The following SYT2 variants were observed in gnomAD, a reference collection of about 807,000 sequenced individuals.
SYT2 encodes the protein synaptotagmin-2.
A neutral mutation model predicts 39.9 loss-of-function variants in SYT2; 15 were observed. The observed-to-expected ratio is 0.38, with a 90% CI of 0.25 to 0.58. The LOEUF is 0.58. Ranked by LOEUF, SYT2 falls within the 20% of genes least tolerant of loss-of-function variation. The pLI, the probability that SYT2 is intolerant of heterozygous loss-of-function variation, is 0.70. For missense variants in SYT2, 389 were observed against 530.3 expected (o/e 0.73, Z 2.62); for synonymous variants, 181 against 204.5 (o/e 0.89, Z 0.98).
rs1008664178 is a variant in SYT2 at position 202,614,849 on chromosome 1, T to C, written c.-17-9060A>G. Among the ~76,000 whole-genome samples, 1 of 152,132 alleles carries C rather than the reference T, an allele frequency of 6.6e-6. No individual in the cohort carries two copies. Among genetic ancestry groups the C allele is most frequent in the African/African-American group, 2.4e-5 (1 of 41,426 alleles). On this transcript the variant is annotated intron_variant, in intron 1 of 8. Coordinates refer to ENST00000367268, the MANE Select transcript of SYT2 (RefSeq NM_177402.5). The surrounding 1 kb of genome is among the most constrained non-coding windows in gnomAD (Gnocchi z 4.0). ...GATGGATCACGGTTCAGGGTGAGGC[T>C]GGCAGGCCGGGCAGGGCAGGATCAG...
chr1:202,601,980 G>T lies in SYT2; in HGVS notation c.711C>A (p.Ile237=), dbSNP rs1051781856. Residue 237 remains isoleucine, a synonymous_variant, in exon 6 of 9, where the codon ATC becomes ATA. Coordinates refer to ENST00000367268, the MANE Select transcript of SYT2 (RefSeq NM_177402.5). The surrounding 1 kb of genome is among the most constrained non-coding windows in gnomAD (Gnocchi z 4.0). ...TCATAGGCACCTTTACCTCTCCAAT[G>T]ATGTCATGTTTGGAGAAGCGGTCAA... The part of the protein sequence containing the change: ...YDFDRFSKHD[I]IGEVKVPMNT... 11 of 1,614,060 alleles carry T rather than the reference G, an allele frequency of 6.8e-6. No individual in the cohort carries two copies. Among genetic ancestry groups the T allele is most frequent in the East Asian group, 2.2e-5 (1 of 44,890 alleles).
intron 1 of SYT2, among the ~76,000 whole-genome samples, chr1:202,625,670 C>A (rs552264881): frequency 3.9e-5 from 6 of 152,148 alleles, no homozygotes; most frequent in Non-Finnish European, 7.4e-5. Flanking sequence ...CAGGCCCACG[C>A]CCTCCGCACA....
chr1:202,625,161 CTGTG>C (rs1344629057), intron 1 of SYT2, among the ~76,000 whole-genome samples: 2 of 1,968 alleles, frequency 1.0e-3, no homozygotes, highest in East Asian at 0.024. Flanking sequence ...TGTGGTGTGT[CTGTG>C]TGGTGTGTGT....
intron 1 of SYT2, among the ~76,000 whole-genome samples, chr1:202,638,399 G>C (rs1307988149): frequency 6.6e-6 from 1 of 152,240 alleles, no homozygotes; most frequent in African/African-American, 2.4e-5. Context: ...CTTTCCCTAG[G>C]CTTGGGGGCC....
intron 1 of SYT2, among the ~76,000 whole-genome samples, chr1:202,631,664 C>T (rs1691597326): frequency 6.6e-6 from 1 of 152,156 alleles, no homozygotes; most frequent in Admixed American, 6.5e-5. Flanking sequence ...CTGCGGGGGT[C>T]TCCTCTCTTC....
At chr1:202,638,654 G>A (rs1192603063) in intron 1 of SYT2, among the ~76,000 whole-genome samples, 1 of 152,160 alleles carries the variant, frequency 6.6e-6, no homozygotes, top group East Asian at 1.9e-4. Flanking sequence ...GTTATTTAAT[G>A]CGGAAAATCC....
At chr1:202,638,964 A>G (rs1367475294) in intron 1 of SYT2, among the ~76,000 whole-genome samples, 1 of 152,240 alleles carries the variant, frequency 6.6e-6, no homozygotes, top group Admixed American at 6.5e-5. Context: ...GCTGAGAAAG[A>G]AAAGCGTGGT....
intron 1 of SYT2, among the ~76,000 whole-genome samples, chr1:202,645,898 C>G (rs1313708300): frequency 6.6e-6 from 1 of 152,168 alleles, no homozygotes; most frequent in African/African-American, 2.4e-5. Context: ...AACCCTTCCC[C>G]TGATAGGGAT....
intron 1 of SYT2, among the ~76,000 whole-genome samples, chr1:202,651,651 C>T (rs1692196161): frequency 6.6e-6 from 1 of 152,204 alleles, no homozygotes; most frequent in Non-Finnish European, 1.5e-5. Context: ...GTTATTACCT[C>T]ACAGCTAAGA....
At chr1:202,704,638 C>A (rs965964409) in intron 1 of SYT2, among the ~76,000 whole-genome samples, 6 of 109,970 alleles carry the variant, frequency 5.5e-5, no homozygotes, top group African/African-American at 1.8e-4. Flanking sequence ...GGCCCTCCTC[C>A]CCAGCCCACC....
At chr1:202,657,786 T>C (rs1692305128) in intron 1 of SYT2, among the ~76,000 whole-genome samples, 1 of 152,032 alleles carries the variant, frequency 6.6e-6, no homozygotes, top group Non-Finnish European at 1.5e-5. Context: ...GGTAGAGGGC[T>C]CCTGGAGGGT....
intron 1 of SYT2, among the ~76,000 whole-genome samples, chr1:202,663,758 G>A (rs762173510): frequency 1.7e-4 from 26 of 152,134 alleles, no homozygotes; most frequent in Non-Finnish European, 3.2e-4. Flanking sequence ...TGAGCTGCAG[G>A]GCTGTGGCAG....
intron 1 of SYT2, among the ~76,000 whole-genome samples, chr1:202,670,355 C>A (rs905735632): frequency 6.6e-6 from 1 of 152,106 alleles, no homozygotes; most frequent in Non-Finnish European, 1.5e-5. Context: ...GGCACTCAAC[C>A]CTTTAACCCC....
rs564567229 is a variant in SYT2 at position 202,627,632 on chromosome 1, G to T, written c.-17-21843C>A. On this transcript the variant is annotated intron_variant, in intron 1 of 8. Transcript: ENST00000367268. ...TCTGGAGAGTAATGCGCAAAGGAAG[G>T]GCATGAAGACCACTTCCCTGGTTAA... 2.5e-4 allele frequency: 244 copies of T among 985,212 alleles called. 3 individuals carry two copies. In the South Asian group the frequency reaches 0.01, roughly 41 times the overall value. 61.0% of individuals were successfully genotyped at this position (985,212 alleles called of 1,614,324 possible). A position where few individuals can be genotyped will look rare whatever the true frequency, so the allele number is the denominator to read the frequency against.
At chr1:202,705,944 C>T (rs1654238947) in intron 1 of SYT2, among the ~76,000 whole-genome samples, 1 of 152,094 alleles carries the variant, frequency 6.6e-6, no homozygotes, top group South Asian at 2.1e-4. Context: ...CCTTCTACCT[C>T]AGCCTCCCAA....
chr1:202,686,060 G>T, intron 1 of SYT2, among the ~76,000 whole-genome samples: 1 of 152,276 alleles, frequency 6.6e-6, no homozygotes, highest in African/African-American at 2.4e-5. Context: ...AATATGGTTT[G>T]GATATCTGTC....
chr1:202,603,145 CAAGTT>C (rs755838169), intron 3 of SYT2, 27 bp from the exon 4 acceptor site: 1 of 1,613,640 alleles, frequency 6.2e-7, no homozygotes, highest in South Asian at 1.1e-5. Flanking sequence ...AGAGAGGGAA[CAAGTT>C]AAAAGGGGAG....
rs1690273613 is a variant in SYT2 at position 202,596,076 on chromosome 1, G to C, written c.*681C>G. 6.6e-6 allele frequency: 1 copy of C among 152,078 alleles called. No individual in the cohort carries two copies. The highest frequency in any genetic ancestry group is 6.6e-5 in the Admixed American group (1 of 15,256). The allele number at this position is 152,078 out of a possible 1,614,324, so 9.4% of individuals were successfully genotyped here. ...CAGGAGTATGAAAGCCCCGATATCT[G>C]AACAGGATCCTGAGACTTTGCCATA... On this transcript the variant is annotated 3_prime_UTR_variant, in exon 9 of 9. Transcript: ENST00000367268.
intron 1 of SYT2, among the ~76,000 whole-genome samples, chr1:202,688,567 C>G (rs1653733600): frequency 6.6e-6 from 1 of 152,230 alleles, no homozygotes; most frequent in African/African-American, 2.4e-5. Flanking sequence ...ACCCAAAATC[C>G]TGAATTGCAT....
Sources: gnomAD v4.1 joint callset for allele counts (sites outside exome capture counted in the v4.1 genomes callset) on GRCh38, gnomAD v4.1.1 for gene constraint, Gnocchi (gnomAD v3.1) non-coding constraint, MANE v1.5 for transcripts, NCBI Gene and HGNC (gene_info 2026-07-23, HGNC 2026-07-21) for gene names.